Variants in PFKL observed in about 807,000 individuals in gnomAD.
PFKL encodes the protein ATP-dependent 6-phosphofructokinase, liver type.
A neutral mutation model predicts 92.1 loss-of-function variants in PFKL; 74 were observed. That is an observed-to-expected ratio of 0.80 (90% CI 0.67 to 0.97). PFKL has a LOEUF of 0.97. PFKL is among the 50% of genes least tolerant of loss of function. The pLI, the probability that PFKL is intolerant of heterozygous loss-of-function variation, is 0.00. For missense variants in PFKL, 1,028 were observed against 1,116.6 expected, an observed-to-expected ratio of 0.92 and a Z score of 1.13; for synonymous variants, 494 against 456.4, an observed-to-expected ratio of 1.08 and a Z score of -1.05.
chr21:44,324,478 C>A lies in PFKL; in HGVS notation c.1651-13C>A, dbSNP rs1320475789. 8 of 1,612,596 alleles carry A rather than the reference C, an allele frequency of 5.0e-6. No homozygotes were observed. In the Admixed American group the frequency reaches 8.3e-5, roughly 17 times the overall value. On this transcript the variant is annotated splice_polypyrimidine_tract_variant and intron_variant, in intron 16 of 21. Transcript: ENST00000349048. ...GGCACGTGGAGGACCCCCGACCCCCCCTTGTCCCCCAGAGCTGTGACCGCA... is the reference window on the plus strand; with the variant it reads ...GGCACGTGGAGGACCCCCGACCCCCACTTGTCCCCCAGAGCTGTGACCGCA...
In PFKL at chr21:44,326,823, C is replaced by T. The variant is rs761304549; in HGVS notation, c.2304C>T (p.His768=). The change falls in exon 22 of 22, where the codon CAC becomes CAT. Residue 768 remains histidine, a synonymous_variant. Transcript: ENST00000349048. ...CCTACGTGTCAGGGGAGCTGGAGCA[C>T]GTGACCCGCCGCACCCTGAGCATGG... ...MAAYVSGELE[H]VTRRTLSMDK... 31 of 1,599,166 alleles carry T rather than the reference C, an allele frequency of 1.9e-5. No individual in the cohort carries two copies. Among genetic ancestry groups the T allele is most frequent in the Middle Eastern group, 3.4e-4 (2 of 5,940 alleles).
intron 2 of PFKL, among the ~76,000 whole-genome samples, chr21:44,310,731 G>A (rs1262966599): frequency 6.6e-6 from 1 of 151,620 alleles, no homozygotes; most frequent in African/African-American, 2.4e-5. Flanking sequence ...GGATCTGGGT[G>A]GGGTGAGGGA....
chr21:44,301,349 G>A (rs1026204559), intron 1 of PFKL, among the ~76,000 whole-genome samples: 2 of 152,192 alleles, frequency 1.3e-5, no homozygotes, highest in East Asian at 1.9e-4. Flanking sequence ...GCTTGTTGCC[G>A]GCTACTGGCA....
chr21:44,307,330 T>G (rs906087641), intron 2 of PFKL: 34 of 984,678 alleles, frequency 3.5e-5, no homozygotes, highest in Non-Finnish European at 4.0e-5. Context: ...CCGTCCTGGG[T>G]ATTTACACAC....
chr21:44,321,683 C>T (rs1436820848), intron 12 of PFKL, 46 bp from the exon 13 acceptor site: 1 of 1,473,714 alleles, frequency 6.8e-7, no homozygotes, highest in African/African-American at 1.4e-5. Context: ...GGTTGGGGGT[C>T]CCCTCCCCGG....
chr21:44,321,849 G>A lies in PFKL; in HGVS notation c.1312G>A (p.Gly438Ser). 6.4e-7 allele frequency: 1 copy of A among 1,560,978 alleles called. No individual in the cohort carries two copies. Among genetic ancestry groups the A allele is most frequent in the Non-Finnish European group, 8.7e-7 (1 of 1,150,742 alleles). ...ACACACAGTATACGTGGTGCACGAT[G>A]GCTTCGAAGGCCTAGCCAAGGGTCA... is the stretch of plus-strand genomic sequence containing the variant. ...HGHTVYVVHD[G>S]FEGLAKGQVQ... The change falls in exon 13 of 22, where the codon GGC becomes AGC. Residue 438 changes from glycine to serine, a missense_variant. Coordinates refer to ENST00000349048, the MANE Select transcript of PFKL (RefSeq NM_002626.6).
At chr21:44,306,623 G>GGGA in intron 1 of PFKL, 58 bp from the exon 2 acceptor site, 1 of 1,485,298 alleles carries the variant, frequency 6.7e-7, no homozygotes, top group Non-Finnish European at 9.3e-7. Context: ...AGATGGGGAG[G>GGGA]GTGTCCAGGG....
intron 1 of PFKL, 136 bp from the exon 2 acceptor site, chr21:44,306,545 G>A: frequency 2.8e-6 from 2 of 712,526 alleles, no homozygotes; most frequent in Non-Finnish European, 2.4e-6. Context: ...GGTGACCAGG[G>A]CCTTCCCCCA....
chr21:44,308,946 A>G (rs996009782), intron 2 of PFKL, among the ~76,000 whole-genome samples: 1 of 152,146 alleles, frequency 6.6e-6, no homozygotes, highest in African/African-American at 2.4e-5. Context: ...TGGCAGACAC[A>G]GGTCTTTCTT....
intron 12 of PFKL, 56 bp downstream of exon 12, chr21:44,320,203 C>T (rs1437219618): frequency 1.3e-5 from 19 of 1,487,854 alleles, no homozygotes; most frequent in Non-Finnish European, 1.7e-5. Context: ...ATTCTGCAGC[C>T]TCTTCACGCT....
intron 7 of PFKL, 86 bp from the exon 8 acceptor site, chr21:44,316,158 C>T (rs1280144194): frequency 1.6e-6 from 2 of 1,270,684 alleles, no homozygotes; most frequent in East Asian, 4.7e-5. Context: ...AATGGTGGCC[C>T]CAGGGAGGGC....
intron 14 of PFKL, among the ~76,000 whole-genome samples, chr21:44,322,557 C>T (rs2047383897): frequency 1.3e-5 from 2 of 152,176 alleles, no homozygotes; most frequent in African/African-American, 4.8e-5. Flanking sequence ...TGAGACCCTT[C>T]TGTGGGCATG....
intron 3 of PFKL, among the ~76,000 whole-genome samples, chr21:44,311,893 C>G (rs1329110477): frequency 6.6e-6 from 1 of 152,158 alleles, no homozygotes; most frequent in Non-Finnish European, 1.5e-5. Flanking sequence ...AGCCCAGGAC[C>G]GGACGGACAT....
At chr21:44,306,498 G>C (rs1029450958) in intron 1 of PFKL, among the ~76,000 whole-genome samples, 183 bp from the exon 2 acceptor site, 1 of 151,094 alleles carries the variant, frequency 6.6e-6, no homozygotes, top group Non-Finnish European at 1.5e-5. Context: ...GAGGGCGTCC[G>C]GGCCTTCCCT....
chr21:44,323,455 C>G (rs530191753), intron 15 of PFKL, among the ~76,000 whole-genome samples: 1 of 152,278 alleles, frequency 6.6e-6, no homozygotes, highest in African/African-American at 2.4e-5. Context: ...ACTGGGCAAG[C>G]TGTCACTAAA....
At chr21:44,310,125 C>T (rs1050952453) in intron 2 of PFKL, among the ~76,000 whole-genome samples, 14 of 152,226 alleles carry the variant, frequency 9.2e-5, no homozygotes, top group Admixed American at 8.5e-4. Context: ...ATGGAGGGAC[C>T]GGGGCTGCAC....
At chr21:44,304,617 C>T (rs1263590056) in intron 1 of PFKL, among the ~76,000 whole-genome samples, 2 of 123,968 alleles carry the variant, frequency 1.6e-5, no homozygotes, top group South Asian at 2.4e-4. Flanking sequence ...CTTGGACGCC[C>T]AGCCTCAGGC....
intron 12 of PFKL, 188 bp from the exon 13 acceptor site, chr21:44,321,541 C>A (rs2047355111): frequency 5.8e-6 from 3 of 521,398 alleles, no homozygotes; most frequent in African/African-American, 2.0e-5. Context: ...TTGGTCTTCA[C>A]CAGAATCTTC....
Position 44,326,601 on chromosome 21 carries a change from C to G in PFKL, c.2196-114C>G, listed in dbSNP as rs536475542. 1.8e-3 allele frequency: 2,235 copies of G among 1,268,598 alleles called. 2 individuals are homozygous for G. The highest frequency in any genetic ancestry group is 2.2e-3 in the Non-Finnish European group (2,047 of 948,604). 78.6% of individuals were successfully genotyped at this position (1,268,598 alleles called of 1,614,324 possible). ...CTCCACGGATACCGAGATGTTCAGA[C>G]AGAGGGGCATGCACAGGCTGCAGGG... is the stretch of plus-strand genomic sequence containing the variant. On this transcript the variant is annotated intron_variant, in intron 21 of 21. Coordinates refer to ENST00000349048, the MANE Select transcript of PFKL (RefSeq NM_002626.6).
Sources: gnomAD v4.1 joint callset for allele counts (sites outside exome capture counted in the v4.1 genomes callset) on GRCh38, gnomAD v4.1.1 for gene constraint, MANE v1.5 for transcripts, NCBI Gene and HGNC (gene_info 2026-07-23, HGNC 2026-07-21) for gene names.